The following RMND1 variants were observed in gnomAD, a reference collection of about 807,000 sequenced individuals.
RMND1 encodes the protein required for meiotic nuclear division protein 1 homolog.
A neutral mutation model predicts 54.0 loss-of-function variants in RMND1; 41 were observed. The observed-to-expected ratio is 0.76, with a 90% CI of 0.59 to 0.98. The LOEUF (loss-of-function observed/expected upper bound fraction) is 0.98. Ranked by LOEUF, RMND1 falls within the 50% of genes least tolerant of loss-of-function variation. RMND1 has a pLI of 0.00. For missense variants in RMND1, 457 were observed against 532.0 expected, an observed-to-expected ratio of 0.86 and a Z score of 1.39; for synonymous variants, 183 against 181.7, an observed-to-expected ratio of 1.01 and a Z score of -0.06.
In RMND1 at chr6:151,405,712, C is replaced by T. The variant is rs763528356; in HGVS notation, c.1317+8G>A. ...AACTGATCATAGTACAGAGCATTTC[C>T]ATCTTACCTCTATGGTAATGAGGAT... On this transcript the variant is annotated splice_region_variant and intron_variant, in intron 11 of 11. Coordinates refer to ENST00000444024, the MANE Select transcript of RMND1 (RefSeq NM_017909.4). 7.5e-7 allele frequency: 1 copy of T among 1,337,070 alleles called. No individual in the cohort carries two copies. The highest frequency in any genetic ancestry group is 1.2e-5 in the South Asian group (1 of 85,242). 82.8% of individuals were successfully genotyped at this position (1,337,070 alleles called of 1,614,324 possible). A position where few individuals can be genotyped will look rare whatever the true frequency, so the allele number is the denominator to read the frequency against.
rs143749557 is a variant in RMND1 at position 151,412,875 on chromosome 6, C to T, written c.1200+4404G>A. ...ACAGCACCAAGGGGATGGTGCCAAA[C>T]CACTCATGAGAAATCTACCCTGATG... On this transcript the variant is annotated intron_variant, in intron 10 of 11. Coordinates refer to ENST00000444024, the MANE Select transcript of RMND1 (RefSeq NM_017909.4). 1.7e-3 allele frequency among the ~76,000 whole-genome samples: 263 copies of T among 152,278 alleles called. 3 individuals carry two copies. The highest frequency in any genetic ancestry group is 5.4e-3 in the East Asian group (28 of 5,178).
At position 151,445,604 on chromosome 6, in the gene RMND1, T is replaced by C. The variant is rs769881457; in HGVS notation, c.208A>G (p.Met70Val). ...CTGGTATCTGACTTTTTTTGGTTCATTTCCAGGATCTGAGACTTATTCAAA... is the reference window on the plus strand; with the variant it reads ...CTGGTATCTGACTTTTTTTGGTTCACTTCCAGGATCTGAGACTTATTCAAA... The part of the protein sequence containing the change: ...SGLNKSQILE[M>V]NQKKSDTSML... Residue 70 changes from methionine (M) to valine (V), a missense_variant, in exon 2 of 12, where the codon ATG (methionine) becomes GTG (valine). Transcript: ENST00000444024. 5.0e-6 allele frequency: 8 copies of C among 1,614,226 alleles called. No individual in the cohort carries two copies. Among genetic ancestry groups the C allele is most frequent in the Middle Eastern group, 1.6e-4 (1 of 6,062 alleles).
At chr6:151,430,673 G>A (rs1276305192) in intron 4 of RMND1, among the ~76,000 whole-genome samples, 1 of 152,168 alleles carries the variant, frequency 6.6e-6, no homozygotes, top group East Asian at 1.9e-4. Flanking sequence ...ACAGTGCTTG[G>A]AACAGAACTA....
At chr6:151,440,259 C>G (rs974900267) in intron 2 of RMND1, among the ~76,000 whole-genome samples, 3 of 152,158 alleles carry the variant, frequency 2.0e-5, no homozygotes, top group Admixed American at 6.6e-5. Context: ...CAGCCAGGCA[C>G]TATTATTTTA....
chr6:151,441,005 G>A (rs997818686), intron 2 of RMND1, among the ~76,000 whole-genome samples: 4 of 152,216 alleles, frequency 2.6e-5, no homozygotes, highest in East Asian at 1.9e-4. Context: ...CAAACCAACC[G>A]ATAATAGTTA....
chr6:151,424,700 G>A (rs1356699055), intron 6 of RMND1, among the ~76,000 whole-genome samples: 1 of 152,166 alleles, frequency 6.6e-6, no homozygotes, highest in Non-Finnish European at 1.5e-5. Context: ...GGGTTGGGGA[G>A]GGAGGCAAGG....
In RMND1 at chr6:151,405,243, A is replaced by G; in HGVS notation, c.1342T>C (p.Phe448Leu). The change falls in exon 12 of 12, where the codon TTT (phenylalanine) becomes CTT (leucine). Residue 448 changes from phenylalanine to leucine, a missense_variant. Physicochemically the swap from Phe to Leu is conservative, Grantham distance 22 (BLOSUM62 0). Transcript: ENST00000444024. ...CTTTGGTTATCACTTGATCAGAAAA[A>G]TACTCGTCCCAGCTCAAACATTACC... ...IEVMFELGRVFF is the reference protein window; with the variant it reads ...IEVMFELGRVLF The G allele has an allele frequency of 6.2e-7, 1 of 1,612,996 alleles. No homozygotes were observed. Among genetic ancestry groups the G allele is most frequent in the Non-Finnish European group, 8.5e-7 (1 of 1,179,064 alleles).
At position 151,422,540 on chromosome 6, in the gene RMND1, C is replaced by T; in HGVS notation, c.1002+1G>A. 6.9e-7 allele frequency: 1 copy of T among 1,457,112 alleles called. No homozygotes were observed. Among genetic ancestry groups the T allele is most frequent in the Non-Finnish European group, 9.3e-7 (1 of 1,071,768 alleles). The allele number at this position is 1,457,112 out of a possible 1,614,324, so 90.3% of individuals were successfully genotyped here. A position where few individuals can be genotyped will look rare whatever the true frequency, so the allele number is the denominator to read the frequency against. On this transcript the variant is annotated splice_donor_variant, in intron 8 of 11. Coordinates refer to ENST00000444024, the MANE Select transcript of RMND1 (RefSeq NM_017909.4). LOFTEE classifies it high-confidence loss of function. ...AATAAGCATAAAATTGATATAATTA[C>T]CTCAGGAATTGACTGAATAGATTCA...
At chr6:151,415,832 A>T (rs1197821391) in intron 10 of RMND1, among the ~76,000 whole-genome samples, 1 of 150,890 alleles carries the variant, frequency 6.6e-6, no homozygotes, top group Non-Finnish European at 1.5e-5. Context: ...CTGTATGACT[A>T]TCTATATAAC....
chr6:151,423,637 A>T lies in RMND1; in HGVS notation c.831-6T>A. ...TGTGAAGTTTTGACTGTCCCCTGTG[A>T]AAAGCAAAAAGATAATACCTTCTAA... On this transcript the variant is annotated splice_region_variant and splice_polypyrimidine_tract_variant and intron_variant, in intron 6 of 11. Transcript: ENST00000444024. 1 of 1,574,900 alleles carries T rather than the reference A, an allele frequency of 6.3e-7. No homozygotes were observed. The highest frequency in any genetic ancestry group is 1.1e-5 in the South Asian group (1 of 90,310).
intron 2 of RMND1, among the ~76,000 whole-genome samples, chr6:151,440,579 C>T (rs1423359567): frequency 3.9e-5 from 6 of 152,206 alleles, no homozygotes. Flanking sequence ...TGTCCCCTTT[C>T]CTTCTCTTGG....
intron 3 of RMND1, 73 bp from the exon 4 acceptor site, chr6:151,433,303 T>C (rs1442227966): frequency 1.1e-6 from 1 of 871,276 alleles, no homozygotes; most frequent in Non-Finnish European, 1.9e-6. Flanking sequence ...CTATAAACAC[T>C]GTAATAAAGT....
chr6:151,414,858 A>G (rs1229398611), intron 10 of RMND1, among the ~76,000 whole-genome samples: 4 of 152,232 alleles, frequency 2.6e-5, no homozygotes, highest in Non-Finnish European at 4.4e-5. Context: ...GTCAGAAACC[A>G]TGGAGGTCAG....
chr6:151,450,877 G>A (rs933691681), intron 1 of RMND1, among the ~76,000 whole-genome samples: 3 of 152,094 alleles, frequency 2.0e-5, no homozygotes, highest in Non-Finnish European at 2.9e-5. Flanking sequence ...TTCTGCCTTG[G>A]GATCCTGCTA....
At chr6:151,415,732 G>T (rs1018008311) in intron 10 of RMND1, among the ~76,000 whole-genome samples, 3 of 147,162 alleles carry the variant, frequency 2.0e-5, no homozygotes, top group Non-Finnish European at 4.4e-5. Flanking sequence ...GGCAGAGCTT[G>T]CAATGAGCCA....
chr6:151,447,919 T>C (rs1781006893), intron 1 of RMND1, among the ~76,000 whole-genome samples: 1 of 151,642 alleles, frequency 6.6e-6, no homozygotes, highest in African/African-American at 2.4e-5. Context: ...GTTCAAGCGA[T>C]TCTCCTGCCT....
At chr6:151,433,953 C>G (rs1253924879) in intron 3 of RMND1, among the ~76,000 whole-genome samples, 2 of 139,964 alleles carry the variant, frequency 1.4e-5, no homozygotes. Flanking sequence ...CCCCCCGCCC[C>G]ACCCACCTCA....
At chr6:151,417,195 A>T in intron 10 of RMND1, 84 bp downstream of exon 10, 1 of 1,405,552 alleles carries the variant, frequency 7.1e-7, no homozygotes, top group Non-Finnish European at 9.7e-7. Flanking sequence ...GTCAAACAAG[A>T]TATTTCTCTG....
At chr6:151,434,289 A>G (rs760016318) in intron 3 of RMND1, among the ~76,000 whole-genome samples, 1 of 152,012 alleles carries the variant, frequency 6.6e-6, no homozygotes, top group East Asian at 1.9e-4. Context: ...AAAATATACT[A>G]TTAATTTGCA....
Sources: allele counts gnomAD v4.1 joint callset (sites outside exome capture counted in the v4.1 genomes callset), GRCh38; gene constraint gnomAD v4.1.1; transcripts MANE v1.5; gene names NCBI Gene and HGNC (gene_info 2026-07-23, HGNC 2026-07-21).